Variants in RABGAP1 observed in about 807,000 individuals in gnomAD.
RABGAP1 encodes rab GTPase-activating protein 1.
Under a neutral mutation model 137.6 loss-of-function variants are expected in RABGAP1, and 23 were observed. The ratio of observed to expected loss-of-function variants is 0.17; its 90% confidence interval spans 0.12 to 0.24. The LOEUF is 0.24. Among genes scored for constraint, RABGAP1 ranks in the 10% least tolerant of loss-of-function variants. The pLI is 1.00. For synonymous variants in RABGAP1, 451 were observed against 450.7 expected, an observed-to-expected ratio of 1.00 and a Z score of -0.01; for missense variants, 906 against 1,275.8, an observed-to-expected ratio of 0.71 and a Z score of 4.42.
At chr9:123,052,440 T>C (rs542412681) in intron 13 of RABGAP1, among the ~76,000 whole-genome samples, 1 of 152,364 alleles carries the variant, frequency 6.6e-6, no homozygotes, top group South Asian at 2.1e-4. Context: ...CTCTGAACCT[T>C]ATTATGTGTC....
intron 13 of RABGAP1, among the ~76,000 whole-genome samples, chr9:123,038,929 T>C (rs1483648784): frequency 6.6e-6 from 1 of 152,072 alleles, no homozygotes; most frequent in Non-Finnish European, 1.5e-5. Flanking sequence ...AATTAAGTAG[T>C]TTTGTAAATG....
chr9:123,101,828 CA>C, intron 25 of RABGAP1, 65 bp downstream of exon 25: 1 of 1,442,026 alleles, frequency 6.9e-7, no homozygotes, highest in Non-Finnish European at 9.2e-7. Flanking sequence ...CTAGAGACCC[CA>C]GAAATTATCT....
chr9:123,098,436 G>A (rs1306387112), intron 22 of RABGAP1, among the ~76,000 whole-genome samples: 2 of 152,242 alleles, frequency 1.3e-5, no homozygotes, highest in Non-Finnish European at 2.9e-5. Flanking sequence ...TGTCAGTGAA[G>A]GTCCACAGGT....
intron 13 of RABGAP1, among the ~76,000 whole-genome samples, chr9:123,049,846 C>G (rs1160232611): frequency 1.3e-5 from 2 of 152,212 alleles, no homozygotes; most frequent in Admixed American, 1.3e-4. Context: ...CTTAAGCCAC[C>G]AGCTTTCCAT....
chr9:123,104,547 A>G lies in RABGAP1; in HGVS notation c.*1334A>G, dbSNP rs2035444705. 1 of 152,578 alleles carries G rather than the reference A, an allele frequency of 6.6e-6. No homozygotes were observed. The highest frequency in any genetic ancestry group is 2.1e-4 in the South Asian group (1 of 4,830). The allele number at this position is 152,578 out of a possible 1,614,324, so 9.5% of individuals were successfully genotyped here. A position where few individuals can be genotyped will look rare whatever the true frequency, so the allele number is the denominator to read the frequency against. On this transcript the variant is annotated 3_prime_UTR_variant, in exon 26 of 26. Coordinates refer to ENST00000373647, the MANE Select transcript of RABGAP1 (RefSeq NM_012197.4). ...CTTACAAGAGGCACTGGTTTTGTATATAAAGACACTCGGGTTGTTTTGTAG... is the reference window on the plus strand; with the variant it reads ...CTTACAAGAGGCACTGGTTTTGTATGTAAAGACACTCGGGTTGTTTTGTAG...
At chr9:122,959,173 C>G (rs566247164) in intron 2 of RABGAP1, among the ~76,000 whole-genome samples, 2 of 151,896 alleles carry the variant, frequency 1.3e-5, no homozygotes, top group South Asian at 4.2e-4. Flanking sequence ...AGGAGGAAGG[C>G]CATGGAAAAA....
At chr9:123,059,443 T>C (rs1462415485) in intron 13 of RABGAP1, among the ~76,000 whole-genome samples, 2 of 152,180 alleles carry the variant, frequency 1.3e-5, no homozygotes, top group African/African-American at 4.8e-5. Flanking sequence ...TAGTCCCAGC[T>C]ACTCAGGAGG....
chr9:122,971,692 T>C (rs1764903064), intron 2 of RABGAP1: 1 of 152,202 alleles, frequency 6.6e-6, no homozygotes, highest in Non-Finnish European at 1.5e-5. Flanking sequence ...GTGCAGCAGA[T>C]ATGTTAAACA....
At chr9:122,979,533 CTA>C (rs1410945125) in intron 2 of RABGAP1, among the ~76,000 whole-genome samples, 13 of 152,104 alleles carry the variant, frequency 8.5e-5, no homozygotes, top group South Asian at 2.1e-4. Flanking sequence ...TAAGAAATCT[CTA>C]TGTCACAAGA....
intron 21 of RABGAP1, among the ~76,000 whole-genome samples, chr9:123,093,356 A>G (rs1200559418): frequency 6.6e-6 from 1 of 152,136 alleles, no homozygotes; most frequent in Non-Finnish European, 1.5e-5. Flanking sequence ...TAATGACTAG[A>G]CCTGACACTG....
At position 123,064,012 on chromosome 9, in the gene RABGAP1, A is replaced by G. The variant is rs377042145; in HGVS notation, c.1795-1336A>G. ...AATTCTAGCTACCTTGCCCGCCCCA[A>G]AATTTGTGTGCGTGCTCTCTCACTC... On this transcript the variant is annotated intron_variant, in intron 13 of 25. Transcript: ENST00000373647. Among the ~76,000 whole-genome samples the G allele has an allele frequency of 1.5e-4, 23 of 151,952 alleles. 1 individual carries two copies. Among genetic ancestry groups the G allele is most frequent in the African/African-American group, 5.1e-4 (21 of 41,376 alleles).
At chr9:122,992,402 A>G (rs1342543588) in intron 6 of RABGAP1, among the ~76,000 whole-genome samples, 1 of 152,124 alleles carries the variant, frequency 6.6e-6, no homozygotes, top group East Asian at 1.9e-4. Context: ...TTAAATAGGA[A>G]AGATTAAGAT....
intron 13 of RABGAP1, among the ~76,000 whole-genome samples, chr9:123,028,701 A>G (rs894348889): frequency 6.6e-6 from 1 of 152,240 alleles, no homozygotes; most frequent in African/African-American, 2.4e-5. Flanking sequence ...CGAATGAAGC[A>G]TTTTAAGCAG....
chr9:122,998,120 GAC>G (rs1191362777), intron 9 of RABGAP1, among the ~76,000 whole-genome samples: 2 of 151,806 alleles, frequency 1.3e-5, no homozygotes, highest in Admixed American at 6.6e-5. Flanking sequence ...TTATTTTTGA[GAC>G]AGAGTCTTAC....
upstream of RABGAP1, chr9:122,939,013 G>A (rs534084095): frequency 9.2e-5 from 14 of 152,178 alleles, no homozygotes; most frequent in South Asian, 2.9e-3. Flanking sequence ...GTCCTGAATT[G>A]GATAATTTGG....
rs142671963 is a variant in RABGAP1, at chr9:122,965,444, C to T, written c.150+8235C>T. Among the ~76,000 whole-genome samples the T allele has an allele frequency of 5.8e-4, 88 of 152,196 alleles. 1 individual carries two copies. In the East Asian group the frequency reaches 0.015, roughly 27 times the overall value. ...TGTCGCCCAGGCTGGAGTGCAGTGGCGTGATCTCAACCCACTTCAACCTCC... is the reference window on the plus strand; with the variant it reads ...TGTCGCCCAGGCTGGAGTGCAGTGGTGTGATCTCAACCCACTTCAACCTCC... On this transcript the variant is annotated intron_variant, in intron 2 of 25. Transcript: ENST00000373647.
chr9:122,969,686 C>T (rs1216339659), intron 2 of RABGAP1, among the ~76,000 whole-genome samples: 3 of 151,896 alleles, frequency 2.0e-5, no homozygotes, highest in Non-Finnish European at 4.4e-5. Flanking sequence ...ATCTATCTTC[C>T]TAACACATTT....
chr9:123,064,842 A>C (rs957535440), intron 13 of RABGAP1, among the ~76,000 whole-genome samples: 2 of 152,248 alleles, frequency 1.3e-5, no homozygotes, highest in Non-Finnish European at 2.9e-5. Flanking sequence ...TCTTGTTCAT[A>C]CTGAGTAGAT....
intron 13 of RABGAP1, among the ~76,000 whole-genome samples, chr9:123,037,588 T>A (rs74383313): frequency 2.9e-4 from 44 of 152,256 alleles, no homozygotes; most frequent in Non-Finnish European, 5.3e-4. Flanking sequence ...TTACCTTTTT[T>A]CATACATGTT....
Sources: gnomAD v4.1 joint callset for allele counts (sites outside exome capture counted in the v4.1 genomes callset) on GRCh38, gnomAD v4.1.1 for gene constraint, MANE v1.5 for transcripts, NCBI Gene and HGNC (gene_info 2026-07-23, HGNC 2026-07-21) for gene names.